Variants in ATP11C observed in about 807,000 individuals in gnomAD.
ATP11C encodes ATPase phospholipid transporting 11C (ATP11C blood group).
A neutral mutation model predicts 97.4 loss-of-function variants in ATP11C; 36 were observed. The ratio of observed to expected loss-of-function variants is 0.37; its 90% CI spans 0.28 to 0.49. The LOEUF is 0.49. Among genes scored for constraint, ATP11C ranks in the 20% least tolerant of loss-of-function variants. The pLI, the probability that ATP11C is intolerant of heterozygous loss-of-function variation, is 0.98. For synonymous variants in ATP11C, 275 were observed against 290.9 expected (o/e 0.95, Z 0.56); for missense variants, 730 against 824.6 (o/e 0.89, Z 1.40).
At chrX:139,869,668 C>T (rs2084339923) in intron 1 of ATP11C, among the ~76,000 whole-genome samples, 1 of 104,907 alleles carries the variant, frequency 9.5e-6, no homozygotes, top group Non-Finnish European at 1.9e-5. Flanking sequence ...GTGGCATATG[C>T]CTGTAATCCC....
chrX:139,928,762 T>C (rs1192484527), intron 1 of ATP11C, among the ~76,000 whole-genome samples: 1 of 111,984 alleles, frequency 8.9e-6, no homozygotes, highest in East Asian at 2.8e-4. Context: ...GATTTAAATG[T>C]ACTCCAGTAT....
At chrX:139,866,732 A>C (rs183326493) in intron 1 of ATP11C, among the ~76,000 whole-genome samples, 14 of 110,356 alleles carry the variant, frequency 1.3e-4, no homozygotes, top group African/African-American at 4.0e-4. Context: ...AACAAACAAA[A>C]AAAAAGACGC....
intron 1 of ATP11C, among the ~76,000 whole-genome samples, chrX:139,859,718 T>C (rs1234512915): frequency 8.9e-6 from 1 of 112,205 alleles, no homozygotes; most frequent in Non-Finnish European, 1.9e-5. Flanking sequence ...AATGCATTTG[T>C]GTCTAGTTAC....
chrX:139,758,293 T>G (rs760730556), intron 22 of ATP11C, among the ~76,000 whole-genome samples: 15 of 112,601 alleles, frequency 1.3e-4, no homozygotes, highest in Middle Eastern at 9.3e-3. Context: ...ACACTAACAA[T>G]ATCAACTAAC....
chrX:139,781,265 T>C (rs998171742), intron 18 of ATP11C, among the ~76,000 whole-genome samples: 2 of 112,193 alleles, frequency 1.8e-5, no homozygotes, highest in African/African-American at 6.5e-5. Context: ...TAAACATATG[T>C]TTGTAACTTT....
At chrX:139,840,849 C>T in intron 1 of ATP11C, among the ~76,000 whole-genome samples, 1 of 100,712 alleles carries the variant, frequency 9.9e-6, no homozygotes, top group Admixed American at 1.1e-4. Context: ...AAGTCTCATA[C>T]AAAAAAAAAA....
At chrX:139,792,797 T>C (rs940216473) in intron 12 of ATP11C, among the ~76,000 whole-genome samples, 1 of 112,270 alleles carries the variant, frequency 8.9e-6, no homozygotes, top group Non-Finnish European at 1.9e-5. Flanking sequence ...CTAAACACCC[T>C]TTCCCCTATA....
At chrX:139,791,745 T>C in intron 12 of ATP11C, among the ~76,000 whole-genome samples, 1 of 111,102 alleles carries the variant, frequency 9.0e-6, no homozygotes. Flanking sequence ...AATTTAACTA[T>C]TCTCATATTT....
intron 1 of ATP11C, among the ~76,000 whole-genome samples, chrX:139,890,494 T>C (rs1358268436): frequency 8.9e-6 from 1 of 111,767 alleles, no homozygotes; most frequent in Non-Finnish European, 1.9e-5. Flanking sequence ...AAAATGCCAC[T>C]GTACTTCAGC....
chrX:139,778,576 C>A (rs1346815509), intron 18 of ATP11C, among the ~76,000 whole-genome samples: 1 of 111,963 alleles, frequency 8.9e-6, no homozygotes, highest in Non-Finnish European at 1.9e-5. Context: ...CACCTGTAAT[C>A]CTAGCACTTA....
intron 26 of ATP11C, among the ~76,000 whole-genome samples, chrX:139,742,895 ATATATATATATATATAT>A (rs1251997016): frequency 3.4e-4 from 28 of 83,565 alleles, no homozygotes; most frequent in African/African-American, 1.3e-3. Context: ...ATATATATAT[ATATATATATATATATAT>A]AAAAATAGAG....
Position 139,762,124 on chromosome X carries a change from T to C in ATP11C, c.2495-18A>G. The stretch of plus-strand genomic sequence containing the variant: ...TTTAATACCTAAAAGAGAGTATCTC[T>C]ATATGGTGAGCATTTTCTAGAATAA... On this transcript the variant is annotated intron_variant, in intron 21 of 29. Coordinates refer to ENST00000682941, the MANE Select transcript of ATP11C (RefSeq NM_001353812.2). The C allele has an allele frequency of 8.8e-7, 1 of 1,134,710 alleles. No individual in the cohort carries two copies. Among genetic ancestry groups the C allele is most frequent in the Non-Finnish European group, 1.2e-6 (1 of 847,434 alleles). The allele number at this position is 1,134,710 out of a possible 1,213,427, so 93.5% of individuals were successfully genotyped here.
At chrX:139,800,004 GA>G in intron 8 of ATP11C, 55 bp downstream of exon 8, 1 of 828,376 alleles carries the variant, frequency 1.2e-6, no homozygotes. Flanking sequence ...TGATTTAACA[GA>G]AAAATAGACC....
chrX:139,753,660 T>C (rs1321229362), intron 23 of ATP11C, among the ~76,000 whole-genome samples: 2 of 110,641 alleles, frequency 1.8e-5, no homozygotes, highest in Non-Finnish European at 3.8e-5. Context: ...ATACAAAAAT[T>C]AGCCAGGTGT....
chrX:139,829,256 T>C (rs1177185353), intron 1 of ATP11C, among the ~76,000 whole-genome samples: 1 of 111,526 alleles, frequency 9.0e-6, no homozygotes. Context: ...GGTGGGGTAG[T>C]ATGAAGTAGG....
At chrX:139,769,452 C>G (rs1022062474) in intron 19 of ATP11C, among the ~76,000 whole-genome samples, 2 of 104,093 alleles carry the variant, frequency 1.9e-5, no homozygotes, top group African/African-American at 7.0e-5. Flanking sequence ...AATCAGAGTA[C>G]CTTGGCCAGG....
chrX:139,733,272 T>C (rs2081382085), intron 28 of ATP11C, among the ~76,000 whole-genome samples: 1 of 111,926 alleles, frequency 8.9e-6, no homozygotes, highest in Non-Finnish European at 1.9e-5. Context: ...TTTTTCCTTC[T>C]GATTCTGTGC....
At chrX:139,761,871 T>TA (rs377533132) in intron 22 of ATP11C, 90 bp downstream of exon 22, 29,133 of 514,810 alleles carry the variant, frequency 0.057, 18 homozygotes, top group Middle Eastern at 0.074. Context: ...AAAGCAGCAT[T>TA]AAAAAAAAAA....
In ATP11C at chrX:139,809,219, A is replaced by C. The variant is rs193120479; in HGVS notation, c.427-4620T>G. On this transcript the variant is annotated intron_variant, in intron 5 of 29. Transcript: ENST00000682941. Reference sequence around the variant, plus strand: ...GGAAAAACTCAGATACTTATATACCAATGTTCACAGCAGCATTAATCAAAA... The same window carrying C: ...GGAAAAACTCAGATACTTATATACCCATGTTCACAGCAGCATTAATCAAAA... Among the ~76,000 whole-genome samples the C allele has an allele frequency of 6.2e-5, 7 of 112,541 alleles. No individual in the cohort carries two copies. In the East Asian group the frequency reaches 1.9e-3, roughly 31 times the overall value.
Sources: gnomAD v4.1 joint callset for allele counts (sites outside exome capture counted in the v4.1 genomes callset) on GRCh38, gnomAD v4.1.1 for gene constraint, MANE v1.5 for transcripts, NCBI Gene and HGNC (gene_info 2026-07-23, HGNC 2026-07-21) for gene names.